PRDM1: variants seen among roughly 807,000 people sequenced by gnomAD.
PRDM1 encodes PR/SET domain 1, also known as PR domain zinc finger protein 1.
A neutral mutation model predicts 62.8 loss-of-function variants in PRDM1; 13 were observed. That is an observed-to-expected ratio of 0.21 (90% CI 0.13 to 0.33). PRDM1 has a LOEUF of 0.33. PRDM1 is among the 10% of genes least tolerant of loss of function. The pLI is 1.00. For missense variants in PRDM1, 895 were observed against 1,058.8 expected (o/e 0.85, Z 2.15); for synonymous variants, 396 against 417.6 (o/e 0.95, Z 0.63).
At chr6:106,083,256 G>T (rs1485145236), upstream of PRDM1, among the ~76,000 whole-genome samples, 3 of 140,886 alleles carry the variant, frequency 2.1e-5, no homozygotes, top group South Asian at 4.9e-4. Context: ...GAAGAAGAGG[G>T]TGGGGGGGTT....
chr6:106,067,572 T>A (rs1456484499), intron 1 of PRDM1, among the ~76,000 whole-genome samples: 1 of 152,202 alleles, frequency 6.6e-6, no homozygotes, highest in East Asian at 1.9e-4. Context: ...ATATGCTACA[T>A]GTGGATGAAC....
At position 106,105,083 on chromosome 6, in the gene PRDM1, A is replaced by C. The variant is rs1158845446; in HGVS notation, c.923A>C (p.Asp308Ala). The change falls in exon 5 of 7, where the codon GAC becomes GCC. Residue 308 changes from aspartate to alanine, a missense_variant. Transcript: ENST00000369096. Reference protein sequence around the residue: ...VYPIRAPLPEDFLKASLAYGI... With the variant: ...VYPIRAPLPEAFLKASLAYGI... ...CCCATCCGGGCCCCTCTGCCAGAAG[A>C]CTTTTTGAAAGCTTCCCTGGCCTAC... 1 of 1,613,802 alleles carries C rather than the reference A, an allele frequency of 6.2e-7. No homozygotes were observed. The highest frequency in any genetic ancestry group is 8.5e-7 in the Non-Finnish European group (1 of 1,179,988).
At position 106,105,333 on chromosome 6, in the gene PRDM1, C is replaced by G; in HGVS notation, c.1173C>G (p.Gly391=). ...YGTEGLGSYP[G]YAPLPHLPPA... is the part of the protein sequence containing the mutation. ...CGGAAGGTTTGGGCTCCTACCCTGG[C>G]TACGCACCCCTGCCCCACCTCCCGC... is the stretch of plus-strand genomic sequence containing the variant. The change falls in exon 5 of 7, where the codon GGC becomes GGG. Residue 391 remains glycine, a synonymous_variant. Coordinates refer to ENST00000369096, the MANE Select transcript of PRDM1 (RefSeq NM_001198.4). 6.2e-7 allele frequency: 1 copy of G among 1,612,822 alleles called. No individual in the cohort carries two copies. The highest frequency in any genetic ancestry group is 8.5e-7 in the Non-Finnish European group (1 of 1,179,216).
At chr6:106,025,063 G>A (rs1450593139) in intron 1 of PRDM1, among the ~76,000 whole-genome samples, 1 of 152,118 alleles carries the variant, frequency 6.6e-6, no homozygotes, top group South Asian at 2.1e-4. Flanking sequence ...AAAATTAATG[G>A]TTTAAAAATA....
intron 1 of PRDM1, among the ~76,000 whole-genome samples, chr6:106,010,873 A>G (rs1485733981): frequency 6.6e-6 from 1 of 152,152 alleles, no homozygotes; most frequent in African/African-American, 2.4e-5. Flanking sequence ...GGTACTGGAG[A>G]TCCACTTAGA....
intron 1 of PRDM1, among the ~76,000 whole-genome samples, chr6:106,008,843 G>A (rs1772510788): frequency 6.6e-6 from 1 of 152,278 alleles, no homozygotes; most frequent in South Asian, 2.1e-4. Flanking sequence ...TCTCTTGTTG[G>A]CTTTGTATTC....
upstream of PRDM1, among the ~76,000 whole-genome samples, chr6:106,084,533 G>A (rs1424142718): frequency 6.6e-6 from 1 of 152,174 alleles, no homozygotes; most frequent in East Asian, 1.9e-4. Flanking sequence ...ACCAGCAGTT[G>A]CATGATGGTG....
chr6:106,014,455 T>C (rs1044264747), intron 1 of PRDM1, among the ~76,000 whole-genome samples: 146 of 139,464 alleles, frequency 1.0e-3, no homozygotes, highest in African/African-American at 3.6e-3. Flanking sequence ...AAAAAAAACT[T>C]GAATAAAAAG....
At chr6:106,080,288 C>T (rs1773674834) in intron 1 of PRDM1, among the ~76,000 whole-genome samples, 1 of 152,080 alleles carries the variant, frequency 6.6e-6, no homozygotes, top group South Asian at 2.1e-4. Flanking sequence ...CTTGTTGAGC[C>T]TAATGCAAAG....
At chr6:106,088,575 C>T (rs1773876933) in intron 2 of PRDM1, 126 bp downstream of exon 2, 1 of 1,044,062 alleles carries the variant, frequency 9.6e-7, no homozygotes, top group Non-Finnish European at 1.4e-6. Context: ...TAATTGATTG[C>T]TCTATTCAAT....
chr6:106,046,368 A>G (rs1383995944), upstream of PRDM1: 1 of 151,936 alleles, frequency 6.6e-6, no homozygotes, highest in East Asian at 1.9e-4. Context: ...TGGAGGGAGG[A>G]CAGTGGGCTC....
chr6:106,096,154 G>GTTT (rs113757559), intron 3 of PRDM1: 9 of 150,538 alleles, frequency 6.0e-5, no homozygotes, highest in East Asian at 1.9e-4. Context: ...TATCTTTTTG[G>GTTT]TTTTTTTTTT....
rs1384866735 is a variant in PRDM1, at chr6:106,107,129, A to G, written c.2121A>G (p.Lys707=). ...TCTGTAGCCTCAAGGTTCACCTGAA[A>G]GGGAACTGCGCTGCGGCCCCGGCGC... The part of the protein sequence containing the change: ...IHLCSLKVHL[K]GNCAAAPAPG... The change falls in exon 7 of 7, where the codon AAA becomes AAG. Residue 707 remains lysine, a synonymous_variant. Coordinates refer to ENST00000369096, the MANE Select transcript of PRDM1 (RefSeq NM_001198.4). 6.2e-7 allele frequency: 1 copy of G among 1,614,190 alleles called. No homozygotes were observed. The highest frequency in any genetic ancestry group is 1.1e-5 in the South Asian group (1 of 91,088).
At chr6:106,083,171 A>G (rs1773721472), upstream of PRDM1, among the ~76,000 whole-genome samples, 7 of 136,812 alleles carry the variant, frequency 5.1e-5, 1 homozygote, top group South Asian at 1.8e-3. Context: ...AATGTTTACC[A>G]GCATGAAGAT....
chr6:106,108,079 T>C lies in PRDM1; in HGVS notation c.*593T>C, dbSNP rs1482592349. 4.3e-6 allele frequency: 1 copy of C among 233,352 alleles called. No homozygotes were observed. The highest frequency in any genetic ancestry group is 8.5e-6 in the Non-Finnish European group (1 of 117,882). 14.5% of individuals were successfully genotyped at this position (233,352 alleles called of 1,614,324 possible). ...AAAATGAGGTTTGGGTAATTGCCAA[T>C]GTTGGACAGTTGATGTGTTCATTCC... On this transcript the variant is annotated 3_prime_UTR_variant, in exon 7 of 7. Coordinates refer to ENST00000369096, the MANE Select transcript of PRDM1 (RefSeq NM_001198.4).
At chr6:106,015,045 C>T (rs1208059272) in intron 1 of PRDM1, among the ~76,000 whole-genome samples, 1 of 152,188 alleles carries the variant, frequency 6.6e-6, no homozygotes, top group Admixed American at 6.5e-5. Flanking sequence ...GTAGTCTGAG[C>T]AGTGGTCATC....
intron 1 of PRDM1, among the ~76,000 whole-genome samples, chr6:106,024,936 G>A (rs1772745422): frequency 6.6e-6 from 1 of 152,174 alleles, no homozygotes; most frequent in Admixed American, 6.5e-5. Context: ...GAGGGTGGGT[G>A]TTGGGCATTT....
At chr6:106,011,135 T>C (rs1157649926) in intron 1 of PRDM1, among the ~76,000 whole-genome samples, 1 of 152,166 alleles carries the variant, frequency 6.6e-6, no homozygotes, top group Non-Finnish European at 1.5e-5. Flanking sequence ...TTTTCTTCTA[T>C]TTGTTTGTTT....
intron 1 of PRDM1, among the ~76,000 whole-genome samples, chr6:106,073,016 A>C (rs1432943610): frequency 6.6e-6 from 1 of 152,082 alleles, no homozygotes. Context: ...ACAGGAGACA[A>C]ATGTCCAAAT....
Sources: gnomAD v4.1 joint callset for allele counts (sites outside exome capture counted in the v4.1 genomes callset) on GRCh38, gnomAD v4.1.1 for gene constraint, MANE v1.5 for transcripts, NCBI Gene and HGNC (gene_info 2026-07-23, HGNC 2026-07-21) for gene names.